The following ACYP2 variants were observed in gnomAD, a reference collection of about 807,000 sequenced individuals.
The protein encoded by ACYP2 is acylphosphatase-2.
A neutral mutation model predicts 11.2 loss-of-function variants in ACYP2; 12 were observed. That is an observed-to-expected ratio of 1.08 (90% confidence interval 0.69 to 1.74). The LOEUF (loss-of-function observed/expected upper bound fraction) is 1.74. Among genes scored for constraint, ACYP2 ranks in the 40% most tolerant of loss-of-function variants. The pLI is 0.00. For missense variants in ACYP2, 134 were observed against 101.9 expected (o/e 1.31, Z -1.35); for synonymous variants, 43 against 32.2 (o/e 1.33, Z -1.13).
At chr2:54,143,733 GTT>G (rs545149069) in intron 6 of ACYP2, among the ~76,000 whole-genome samples, 209 of 76,558 alleles carry the variant, frequency 2.7e-3, no homozygotes, top group African/African-American at 0.01. Context: ...TACCCAGCCG[GTT>G]TTTTTTTTTT....
At chr2:54,094,366 T>A (rs1678399894) in intron 4 of ACYP2, among the ~76,000 whole-genome samples, 2 of 151,928 alleles carry the variant, frequency 1.3e-5, no homozygotes, top group Admixed American at 1.3e-4. Flanking sequence ...TAGCTTGGAT[T>A]AGAGGCATGT....
rs1261298304 is a variant in ACYP2, at chr2:54,114,399, A to G, written c.278-21054A>G. Among the ~76,000 whole-genome samples the G allele has an allele frequency of 2.0e-5, 3 of 147,012 alleles. No individual in the cohort carries two copies. The South Asian group carries it at 6.6e-4, about 32-fold the overall frequency. On this transcript the variant is annotated intron_variant, in intron 4 of 6. Coordinates refer to ENST00000607452, the MANE Select transcript of ACYP2 (RefSeq NM_001320586.2). ...GACAATCAAAAAAAAAAAAAAAAAA[A>G]AAGGTCGGGTGTGGTGGCTCACACC...
chr2:54,288,906 C>T (rs537006696), intron 6 of ACYP2, among the ~76,000 whole-genome samples: 180 of 152,100 alleles, frequency 1.2e-3, no homozygotes, highest in Non-Finnish European at 2.0e-3. Flanking sequence ...CCAGTTTCTT[C>T]CACAGCAGGA....
At chr2:54,071,270 C>A (rs1677026959) in intron 4 of ACYP2, among the ~76,000 whole-genome samples, 1 of 152,076 alleles carries the variant, frequency 6.6e-6, no homozygotes, top group Non-Finnish European at 1.5e-5. Context: ...CAACACTGCA[C>A]TACAGATTCT....
At chr2:54,148,372 GA>G (rs1681994983) in intron 6 of ACYP2, among the ~76,000 whole-genome samples, 1 of 152,194 alleles carries the variant, frequency 6.6e-6, no homozygotes, top group South Asian at 2.1e-4. Flanking sequence ...GGCTTCAGGT[GA>G]AAGAAGATAG....
chr2:54,225,762 A>G (rs962688472), intron 6 of ACYP2, among the ~76,000 whole-genome samples: 3 of 152,122 alleles, frequency 2.0e-5, no homozygotes, highest in African/African-American at 7.2e-5. Flanking sequence ...AATGGTAATC[A>G]TTTTGGGGTC....
At chr2:53,974,210 G>A (rs866918726) in intron 2 of ACYP2, among the ~76,000 whole-genome samples, 9 of 152,036 alleles carry the variant, frequency 5.9e-5, no homozygotes, top group East Asian at 1.9e-4. Flanking sequence ...CACTGAGCCC[G>A]GCCATATTTA....
At chr2:54,107,765 T>G (rs1197000192) in intron 4 of ACYP2, among the ~76,000 whole-genome samples, 2 of 152,208 alleles carry the variant, frequency 1.3e-5, no homozygotes, top group Non-Finnish European at 2.9e-5. Flanking sequence ...CCTTTGGGCA[T>G]AAACTCCCCT....
chr2:54,150,493 C>T (rs1682105589), intron 6 of ACYP2, among the ~76,000 whole-genome samples: 1 of 152,104 alleles, frequency 6.6e-6, no homozygotes. Flanking sequence ...TGATACTCGG[C>T]TCATTGTAGT....
Position 54,260,558 on chromosome 2 carries a change from A to G in ACYP2, c.405-44130A>G, listed in dbSNP as rs189657966. 1.6e-3 allele frequency among the ~76,000 whole-genome samples: 248 copies of G among 152,312 alleles called. 1 individual carries two copies. Among genetic ancestry groups the G allele is most frequent in the Admixed American group, 4.2e-3 (65 of 15,296 alleles). ...TAGAGTTTAAGCTGGAGGACGGAAG[A>G]CATACAGGATGAGGTCAGTGAAAAG... is the stretch of plus-strand genomic sequence containing the variant. On this transcript the variant is annotated intron_variant, in intron 6 of 6. Transcript: ENST00000607452.
chr2:54,268,976 T>TA (rs1456686764), intron 6 of ACYP2, among the ~76,000 whole-genome samples: 1 of 152,210 alleles, frequency 6.6e-6, no homozygotes, highest in Non-Finnish European at 1.5e-5. Context: ...ACCTCATAAT[T>TA]ACCCAATGAA....
intron 6 of ACYP2, among the ~76,000 whole-genome samples, chr2:54,155,235 A>C (rs1423382446): frequency 6.6e-6 from 1 of 151,970 alleles, no homozygotes; most frequent in Non-Finnish European, 1.5e-5. Context: ...TTATCTTTTC[A>C]AGAAACCACT....
intron 6 of ACYP2, among the ~76,000 whole-genome samples, chr2:54,143,973 G>A (rs1467766361): frequency 6.6e-6 from 1 of 151,834 alleles, no homozygotes; most frequent in African/African-American, 2.4e-5. Flanking sequence ...GTGGTAACTG[G>A]TATGTTTGTT....
intron 2 of ACYP2, among the ~76,000 whole-genome samples, chr2:53,989,190 C>T (rs1573456489): frequency 6.6e-6 from 1 of 151,938 alleles, no homozygotes; most frequent in African/African-American, 2.4e-5. Context: ...CCTGCTGGCA[C>T]CATCGACTAT....
intron 6 of ACYP2, among the ~76,000 whole-genome samples, chr2:54,153,421 G>A (rs1183655850): frequency 6.9e-6 from 1 of 143,928 alleles, no homozygotes; most frequent in Non-Finnish European, 1.5e-5. Flanking sequence ...GTTGCCTCCA[G>A]CTTTGTTCTT....
At chr2:54,174,997 T>G (rs78786121) in intron 6 of ACYP2, among the ~76,000 whole-genome samples, 3,961 of 152,304 alleles carry the variant, frequency 0.026, 68 homozygotes, top group South Asian at 0.053. Context: ...TCTCTTTTTT[T>G]GTTGTGTCTC....
At chr2:54,223,232 C>G (rs772168949) in intron 6 of ACYP2, 5 of 152,170 alleles carry the variant, frequency 3.3e-5, no homozygotes, top group Non-Finnish European at 7.3e-5. Flanking sequence ...ATTGAATTTT[C>G]AACATTGACA....
intron 2 of ACYP2, among the ~76,000 whole-genome samples, chr2:54,024,931 C>T (rs934893269): frequency 6.6e-6 from 1 of 152,150 alleles, no homozygotes; most frequent in Non-Finnish European, 1.5e-5. Flanking sequence ...AGTAGTACTG[C>T]TATACAGCAA....
chr2:54,104,351 G>A (rs1679046835), intron 4 of ACYP2, among the ~76,000 whole-genome samples: 1 of 152,134 alleles, frequency 6.6e-6, no homozygotes, highest in Admixed American at 6.5e-5. Context: ...AATTATCAGA[G>A]CCTCCCACTA....
Sources: gnomAD v4.1 joint callset for allele counts (sites outside exome capture counted in the v4.1 genomes callset) on GRCh38, gnomAD v4.1.1 for gene constraint, MANE v1.5 for transcripts, NCBI Gene and HGNC (gene_info 2026-07-23, HGNC 2026-07-21) for gene names.